The following MRPS31 variants were observed in gnomAD, a reference collection of about 807,000 sequenced individuals.
The protein encoded by MRPS31 is mitochondrial ribosomal protein S31, also known as small ribosomal subunit protein mS31.
A neutral mutation model predicts 43.1 loss-of-function variants in MRPS31; 32 were observed. The ratio of observed to expected loss-of-function variants is 0.74; its 90% confidence interval spans 0.56 to 1.00. The LOEUF is 1.00. Ranked by LOEUF, MRPS31 falls within the 50% of genes least tolerant of loss-of-function variation. MRPS31 has a pLI of 0.00. For synonymous variants in MRPS31, 165 were observed against 161.6 expected (o/e 1.02, Z -0.16); for missense variants, 437 against 466.7 (o/e 0.94, Z 0.59).
chr13:40,735,475 G>A (rs1007654158), intron 6 of MRPS31, among the ~76,000 whole-genome samples: 21 of 152,150 alleles, frequency 1.4e-4, no homozygotes, highest in African/African-American at 4.8e-4. Context: ...ACCTCTGGGG[G>A]CAGGGCGCAG....
chr13:40,740,379 G>A (rs1291305046), intron 6 of MRPS31, among the ~76,000 whole-genome samples: 1 of 113,346 alleles, frequency 8.8e-6, no homozygotes, highest in Admixed American at 9.1e-5. Flanking sequence ...TCAGTGTGGC[G>A]ATTCCTCAGG....
intron 1 of MRPS31, among the ~76,000 whole-genome samples, chr13:40,767,962 TG>T (rs1189734144): frequency 6.6e-6 from 1 of 152,200 alleles, no homozygotes; most frequent in Non-Finnish European, 1.5e-5. Flanking sequence ...AAAGCTAGAA[TG>T]GAACAGAAAA....
At position 40,758,937 on chromosome 13, in the gene MRPS31, G is replaced by T; in HGVS notation, c.599+11C>A. On this transcript the variant is annotated intron_variant, in intron 3 of 6. Coordinates refer to ENST00000323563, the MANE Select transcript of MRPS31 (RefSeq NM_005830.4). Reference sequence around the variant, plus strand: ...ATAAACATTACTGACTTAAGGGTTTGATTCACTCACCTAATTTTAGGTCGC... The same window carrying T: ...ATAAACATTACTGACTTAAGGGTTTTATTCACTCACCTAATTTTAGGTCGC... The T allele has an allele frequency of 6.4e-7, 1 of 1,560,818 alleles. No homozygotes were observed. The highest frequency in any genetic ancestry group is 1.2e-5 in the South Asian group (1 of 82,188).
At chr13:40,731,554 C>T (rs1210977056) in intron 6 of MRPS31, among the ~76,000 whole-genome samples, 1 of 150,036 alleles carries the variant, frequency 6.7e-6, no homozygotes, top group East Asian at 1.9e-4. Context: ...TGCACTCCAG[C>T]CTGGGCAACA....
At chr13:40,753,208 T>G (rs1422908045) in intron 5 of MRPS31, among the ~76,000 whole-genome samples, 1 of 152,240 alleles carries the variant, frequency 6.6e-6, no homozygotes, top group East Asian at 1.9e-4. Context: ...ACTACAAGTC[T>G]GTTAAATATA....
intron 6 of MRPS31, among the ~76,000 whole-genome samples, chr13:40,733,782 G>C (rs921561172): frequency 3.3e-5 from 5 of 151,956 alleles, no homozygotes; most frequent in African/African-American, 1.2e-4. Context: ...ACCAGCCTGG[G>C]TAACATAGTA....
At chr13:40,757,712 G>A (rs1880569562) in intron 3 of MRPS31, among the ~76,000 whole-genome samples, 1 of 148,952 alleles carries the variant, frequency 6.7e-6, no homozygotes, top group Non-Finnish European at 1.5e-5. Context: ...TCACAGTGCT[G>A]GGATTACAGG....
At chr13:40,763,085 A>G (rs1273915576) in intron 2 of MRPS31, among the ~76,000 whole-genome samples, 2 of 152,214 alleles carry the variant, frequency 1.3e-5, no homozygotes, top group African/African-American at 4.8e-5. Flanking sequence ...TTCCAAATGA[A>G]TCAGGTTAAG....
At chr13:40,736,671 C>T in intron 6 of MRPS31, among the ~76,000 whole-genome samples, 1 of 149,850 alleles carries the variant, frequency 6.7e-6, no homozygotes, top group African/African-American at 2.5e-5. Context: ...ATTTCATATC[C>T]AGTCAAACTA....
intron 5 of MRPS31, among the ~76,000 whole-genome samples, chr13:40,751,379 T>C (rs1315986039): frequency 1.3e-5 from 2 of 152,244 alleles, no homozygotes; most frequent in African/African-American, 4.8e-5. Context: ...ACTTTTCTCA[T>C]ATTACCTCAC....
chr13:40,731,869 G>C (rs1410534839), intron 6 of MRPS31, among the ~76,000 whole-genome samples: 1 of 151,982 alleles, frequency 6.6e-6, no homozygotes, highest in Non-Finnish European at 1.5e-5. Context: ...TAGATCAACA[G>C]TCTTTTTAAC....
intron 6 of MRPS31, among the ~76,000 whole-genome samples, chr13:40,743,851 T>C (rs1160815776): frequency 6.6e-6 from 1 of 152,210 alleles, no homozygotes; most frequent in Non-Finnish European, 1.5e-5. Flanking sequence ...AATTACTGGG[T>C]ATATGCCCAA....
intron 6 of MRPS31, among the ~76,000 whole-genome samples, chr13:40,744,952 T>C (rs1880201705): frequency 6.7e-6 from 1 of 149,574 alleles, no homozygotes; most frequent in East Asian, 2.0e-4. Flanking sequence ...GATGGAGTCT[T>C]GCTCTGTCAC....
intron 6 of MRPS31, among the ~76,000 whole-genome samples, chr13:40,733,697 G>A (rs955827612): frequency 6.6e-5 from 10 of 152,188 alleles, no homozygotes; most frequent in East Asian, 1.9e-4. Flanking sequence ...GGCTGGGCAC[G>A]TGGATCATGG....
At chr13:40,746,105 T>C (rs1438333442) in intron 6 of MRPS31, among the ~76,000 whole-genome samples, 1 of 152,210 alleles carries the variant, frequency 6.6e-6, no homozygotes, top group Non-Finnish European at 1.5e-5. Flanking sequence ...GCGAACTAAA[T>C]TGTAAACACG....
chr13:40,765,069 G>C (rs1262305320), intron 2 of MRPS31, among the ~76,000 whole-genome samples: 1 of 152,168 alleles, frequency 6.6e-6, no homozygotes, highest in Non-Finnish European at 1.5e-5. Flanking sequence ...CCTTGAAAAA[G>C]AGGGAGGGGA....
At chr13:40,741,760 G>A (rs1880100019) in intron 6 of MRPS31, among the ~76,000 whole-genome samples, 1 of 152,046 alleles carries the variant, frequency 6.6e-6, no homozygotes, top group Non-Finnish European at 1.5e-5. Flanking sequence ...TCATTCAAAA[G>A]GAAAATGGTA....
At chr13:40,768,942 GAATCTCTACAGGTTATAC>G (rs1053176284) in intron 1 of MRPS31, among the ~76,000 whole-genome samples, 14 of 152,168 alleles carry the variant, frequency 9.2e-5, no homozygotes, top group African/African-American at 3.1e-4. Flanking sequence ...TAGTGGTTAT[GAATCTCTACAGGTTATAC>G]AAATCACATA....
rs199933450 is a variant in MRPS31, at chr13:40,766,856, T to G, written c.330A>C (p.Leu110Phe). The G allele has an allele frequency of 1.2e-6, 2 of 1,614,058 alleles. No individual in the cohort carries two copies. The highest frequency in any genetic ancestry group is 2.7e-5 in the African/African-American group (2 of 74,930). ...TTGTTGTTCGTACATTTACTGTGCTTAATTCAACTTTCATGCCCTTAATAA... is the reference window on the plus strand; with the variant it reads ...TTGTTGTTCGTACATTTACTGTGCTGAATTCAACTTTCATGCCCTTAATAA... Reference protein sequence around the residue: ...LGIIKGMKVELSTVNVRTTKP... With the variant: ...LGIIKGMKVEFSTVNVRTTKP... Residue 110 changes from leucine to phenylalanine, a missense_variant, in exon 2 of 7, where the codon TTA becomes TTC. By Grantham distance (22) the Leu-to-Phe change is conservative. Transcript: ENST00000323563.
Sources: allele counts gnomAD v4.1 joint callset (sites outside exome capture counted in the v4.1 genomes callset), GRCh38; gene constraint gnomAD v4.1.1; transcripts MANE v1.5; gene names NCBI Gene and HGNC (gene_info 2026-07-23, HGNC 2026-07-21).